Variants in PTPRD observed in about 807,000 individuals in gnomAD.
The protein encoded by PTPRD is receptor-type tyrosine-protein phosphatase delta.
Under a neutral mutation model 214.5 loss-of-function variants are expected in PTPRD, and 34 were observed. That is an observed-to-expected ratio of 0.16 (90% CI 0.12 to 0.21). The LOEUF (loss-of-function observed/expected upper bound fraction) is 0.21. Ranked by LOEUF, PTPRD falls within the 10% of genes least tolerant of loss-of-function variation. PTPRD has a pLI of 1.00. For missense variants in PTPRD, 2,545 were observed against 2,398.7 expected, an observed-to-expected ratio of 1.06 and a Z score of -1.27; for synonymous variants, 1,128 against 845.7, an observed-to-expected ratio of 1.33 and a Z score of -5.79.
chr9:9,384,024 T>G (rs747567048), intron 9 of PTPRD, among the ~76,000 whole-genome samples: 3 of 151,820 alleles, frequency 2.0e-5, no homozygotes, highest in Non-Finnish European at 4.4e-5. Context: ...AGCATAAACC[T>G]ATATACGAGA....
In PTPRD at chr9:8,761,756, A is replaced by C. The variant is rs368527744; in HGVS notation, c.-103-27810T>G. 1.2e-3 allele frequency among the ~76,000 whole-genome samples: 183 copies of C among 152,340 alleles called. 1 individual carries two copies. The highest frequency in any genetic ancestry group is 4.2e-3 in the African/African-American group (176 of 41,588). On this transcript the variant is annotated intron_variant, in intron 11 of 45. Transcript: ENST00000381196. Reference sequence around the variant, plus strand: ...GAAAAGATGTAGGGTCTATTAAAGAAAATGGGAAAGAGATGAATCCTCAGA... The same window carrying C: ...GAAAAGATGTAGGGTCTATTAAAGACAATGGGAAAGAGATGAATCCTCAGA...
In PTPRD at chr9:9,952,401, G is replaced by A. The variant is rs77791040; in HGVS notation, c.-471-13791C>T. Reference sequence around the variant, plus strand: ...ACCACAGGCATTTTTGGCAACAACCGGGAAATGGTGTTCCTGGGGCAAGAT... The same window carrying A: ...ACCACAGGCATTTTTGGCAACAACCAGGAAATGGTGTTCCTGGGGCAAGAT... On this transcript the variant is annotated intron_variant, in intron 4 of 45. Transcript: ENST00000381196. Among the ~76,000 whole-genome samples, 992 of 152,204 alleles carry A rather than the reference G, an allele frequency of 6.5e-3. 7 individuals are homozygous for A. The highest frequency in any genetic ancestry group is 0.021 in the African/African-American group (883 of 41,518).
chr9:9,777,536 G>C (rs1025358317), intron 5 of PTPRD, among the ~76,000 whole-genome samples: 3 of 152,078 alleles, frequency 2.0e-5, no homozygotes, highest in African/African-American at 7.2e-5. Context: ...CTTTAAAGAA[G>C]AAAACACAAA....
intron 9 of PTPRD, among the ~76,000 whole-genome samples, chr9:9,327,210 G>T (rs887938469): frequency 2.0e-5 from 3 of 152,014 alleles, no homozygotes; most frequent in Non-Finnish European, 4.4e-5. Flanking sequence ...GATTAAAAAA[G>T]AAATCCCATA....
chr9:9,684,503 A>G (rs889442125), intron 7 of PTPRD, among the ~76,000 whole-genome samples: 1 of 151,734 alleles, frequency 6.6e-6, no homozygotes, highest in Non-Finnish European at 1.5e-5. Context: ...ATTCAAAGAA[A>G]GACTCTACCT....
chr9:8,587,326 T>C (rs1431684140), intron 14 of PTPRD, among the ~76,000 whole-genome samples: 1 of 152,222 alleles, frequency 6.6e-6, no homozygotes, highest in Non-Finnish European at 1.5e-5. Context: ...TTTATTTAGA[T>C]TTTATATTTT....
intron 9 of PTPRD, among the ~76,000 whole-genome samples, chr9:9,390,219 C>A (rs1003912199): frequency 4.6e-5 from 7 of 152,110 alleles, no homozygotes; most frequent in African/African-American, 1.7e-4. Flanking sequence ...GGTGGGAAAC[C>A]ATGTCAGACA....
intron 11 of PTPRD, among the ~76,000 whole-genome samples, chr9:8,869,496 C>T (rs2098256513): frequency 6.6e-6 from 1 of 152,112 alleles, no homozygotes; most frequent in African/African-American, 2.4e-5. Flanking sequence ...CTGACCCAGA[C>T]TCATTGATTG....
chr9:8,417,430 T>C (rs746023125), intron 35 of PTPRD, among the ~76,000 whole-genome samples: 3 of 152,144 alleles, frequency 2.0e-5, no homozygotes, highest in Non-Finnish European at 4.4e-5. Context: ...TGGCAGAAAC[T>C]ACTAAGAATG....
chr9:8,771,878 C>T (rs1041713370), intron 11 of PTPRD, among the ~76,000 whole-genome samples: 2 of 151,132 alleles, frequency 1.3e-5, no homozygotes, highest in African/African-American at 4.9e-5. Context: ...ATAAAAAAGC[C>T]CAACGCAGTG....
intron 9 of PTPRD, among the ~76,000 whole-genome samples, chr9:9,326,663 G>A (rs1328253837): frequency 6.6e-6 from 1 of 150,440 alleles, no homozygotes; most frequent in African/African-American, 2.4e-5. Flanking sequence ...TTTTAAATGA[G>A]CAAGTAAGAT....
intron 11 of PTPRD, among the ~76,000 whole-genome samples, chr9:8,867,400 T>C (rs2098218011): frequency 1.3e-5 from 2 of 152,160 alleles, no homozygotes; most frequent in Admixed American, 1.3e-4. Context: ...AGCAGACTGT[T>C]CTGAAAAGAA....
At chr9:9,760,124 C>T (rs996497729) in intron 6 of PTPRD, among the ~76,000 whole-genome samples, 4 of 152,188 alleles carry the variant, frequency 2.6e-5, no homozygotes, top group East Asian at 1.9e-4. Flanking sequence ...AAGTGGATAT[C>T]GCTACCCTAT....
chr9:10,358,725 A>G (rs1208877727), intron 2 of PTPRD, among the ~76,000 whole-genome samples: 1 of 152,000 alleles, frequency 6.6e-6, no homozygotes, highest in African/African-American at 2.4e-5. Flanking sequence ...GAAATATTAT[A>G]CTGTAACATA....
rs114639463 is a variant in PTPRD, at chr9:8,876,552, C to T, written c.-104+142145G>A. On this transcript the variant is annotated intron_variant, in intron 11 of 45. Coordinates refer to ENST00000381196, the MANE Select transcript of PTPRD (RefSeq NM_002839.4). ...GTATCCTCAGAAGAATTTGGAGCTTCGTCATTTCCTGGTTAAAGGTTTCAT... is the reference window on the plus strand; with the variant it reads ...GTATCCTCAGAAGAATTTGGAGCTTTGTCATTTCCTGGTTAAAGGTTTCAT... 4.2e-3 allele frequency among the ~76,000 whole-genome samples: 644 copies of T among 152,186 alleles called. 8 individuals carry two copies. Among genetic ancestry groups the T allele is most frequent in the African/African-American group, 0.015 (607 of 41,528 alleles).
chr9:9,940,104 A>G (rs2090996066), intron 4 of PTPRD, among the ~76,000 whole-genome samples: 1 of 152,174 alleles, frequency 6.6e-6, no homozygotes, highest in Admixed American at 6.5e-5. Context: ...ACCACAAGGA[A>G]GGTATGATGG....
At chr9:9,556,564 G>T (rs1398967911) in intron 8 of PTPRD, among the ~76,000 whole-genome samples, 1 of 152,038 alleles carries the variant, frequency 6.6e-6, no homozygotes, top group African/African-American at 2.4e-5. Flanking sequence ...CAATTTTCTT[G>T]CCTGGTGCCT....
At chr9:9,389,126 T>G (rs2064921354) in intron 9 of PTPRD, among the ~76,000 whole-genome samples, 1 of 152,166 alleles carries the variant, frequency 6.6e-6, no homozygotes, top group Non-Finnish European at 1.5e-5. Context: ...TGGTGAGGAT[T>G]AAATTTGATA....
intron 39 of PTPRD, among the ~76,000 whole-genome samples, chr9:8,352,032 C>T (rs2075635182): frequency 6.6e-6 from 1 of 150,752 alleles, no homozygotes; most frequent in Admixed American, 6.6e-5. Context: ...TCCTAAAAAA[C>T]CAAAACTCCG....
Sources: allele counts gnomAD v4.1 joint callset (sites outside exome capture counted in the v4.1 genomes callset), GRCh38; gene constraint gnomAD v4.1.1; transcripts MANE v1.5; gene names NCBI Gene and HGNC (gene_info 2026-07-23, HGNC 2026-07-21).